The following ATG10 variants were observed in gnomAD, a reference collection of about 807,000 sequenced individuals.
The protein encoded by ATG10 is ubiquitin-like-conjugating enzyme ATG10.
A neutral mutation model predicts 32.1 loss-of-function variants in ATG10; 30 were observed. The observed-to-expected ratio is 0.94, with a 90% CI of 0.70 to 1.27. The LOEUF (loss-of-function observed/expected upper bound fraction) is 1.27, where lower values mean the gene tolerates loss of function less well. ATG10 is among the 50% of genes most tolerant of loss of function. ATG10 has a pLI of 0.00. For missense variants in ATG10, 233 were observed against 262.3 expected (o/e 0.89, Z 0.77); for synonymous variants, 87 against 91.5 (o/e 0.95, Z 0.28).
chr5:82,054,481 C>T (rs1763526150), intron 2 of ATG10, among the ~76,000 whole-genome samples: 1 of 152,184 alleles, frequency 6.6e-6, no homozygotes, highest in Non-Finnish European at 1.5e-5. Flanking sequence ...CACTGGCCCA[C>T]ACCAGTCCAC....
Position 82,098,308 on chromosome 5 carries a change from G to GTTT in ATG10, c.216+39725_216+39727dup, listed in dbSNP as rs35693758. ...ATTTTATTGTTAATATTGTTGTTGG[G>GTTT]TTTTTTTTTTTTTTTTTTTTTGAGA... On this transcript the variant is annotated intron_variant, in intron 3 of 7. Transcript: ENST00000282185. Among the ~76,000 whole-genome samples the GTTT allele has an allele frequency of 9.4e-4, 109 of 115,576 alleles. 1 individual carries two copies. The highest frequency in any genetic ancestry group is 1.4e-3 in the Non-Finnish European group (76 of 55,166). The allele number at this position is 115,576 out of a possible 152,430, so 75.8% of individuals were successfully genotyped here. A position where few individuals can be genotyped will look rare whatever the true frequency, so the allele number is the denominator to read the frequency against.
rs117332005 is a variant in ATG10, at chr5:82,118,302, G to A, written c.217-46097G>A. ...CACAAGAGCAGAGTGTCTTTCTTGT[G>A]TGTGTGTGTGTGTGTATATATATAT... On this transcript the variant is annotated intron_variant, in intron 3 of 7. Coordinates refer to ENST00000282185, the MANE Select transcript of ATG10 (RefSeq NM_031482.5). 0.018 allele frequency among the ~76,000 whole-genome samples: 2,639 copies of A among 144,602 alleles called. 289 individuals are homozygous for A. In the East Asian group the frequency reaches 0.33, roughly 18 times the overall value. The allele number at this position is 144,602 out of a possible 152,430, so 94.9% of individuals were successfully genotyped here. A position where few individuals can be genotyped will look rare whatever the true frequency, so the allele number is the denominator to read the frequency against.
chr5:82,100,008 T>TG (rs1765209875), intron 3 of ATG10, among the ~76,000 whole-genome samples: 3 of 127,278 alleles, frequency 2.4e-5, no homozygotes, highest in Non-Finnish European at 4.9e-5. Context: ...GTGTTTTTTT[T>TG]TTTTTTTTTT....
At chr5:82,033,939 GTAC>G (rs533792432) in intron 2 of ATG10, among the ~76,000 whole-genome samples, 23 of 146,666 alleles carry the variant, frequency 1.6e-4, no homozygotes, top group African/African-American at 5.7e-4. Context: ...ATATGTATGT[GTAC>G]TATGTATATG....
At chr5:82,148,792 A>G (rs1251879360) in intron 3 of ATG10, among the ~76,000 whole-genome samples, 1 of 152,098 alleles carries the variant, frequency 6.6e-6, no homozygotes, top group Non-Finnish European at 1.5e-5. Context: ...TTTTCTGTAA[A>G]ATGCAAGATA....
chr5:82,224,474 G>C (rs1263016530), intron 5 of ATG10, among the ~76,000 whole-genome samples: 1 of 152,204 alleles, frequency 6.6e-6, no homozygotes, highest in African/African-American at 2.4e-5. Context: ...CAAGGGAGTA[G>C]TTAGAAATAA....
At chr5:81,991,747 A>G (rs1291259696) in intron 2 of ATG10, among the ~76,000 whole-genome samples, 4 of 151,560 alleles carry the variant, frequency 2.6e-5, no homozygotes, top group Non-Finnish European at 4.4e-5. Context: ...GTGAGCCAAG[A>G]TCATACTATT....
rs1484305165 is a variant in ATG10, at chr5:82,180,800, AG to A, written c.453+2214del. On this transcript the variant is annotated intron_variant, in intron 5 of 7. Transcript: ENST00000282185. ...ACCATTTTCCTTTTCTGCCTCTAGC[AG>A]ATAATTAATCTCCTTAATGCAGGCC... Among the ~76,000 whole-genome samples, 3 of 152,266 alleles carry A rather than the reference AG, an allele frequency of 2.0e-5. No individual in the cohort carries two copies. In the East Asian group the frequency reaches 5.8e-4, roughly 29 times the overall value.
intron 7 of ATG10, 44 bp downstream of exon 7, chr5:82,253,473 C>T: frequency 1.5e-6 from 2 of 1,290,760 alleles, no homozygotes; most frequent in Non-Finnish European, 2.3e-6. Context: ...TTACAAAGAT[C>T]AATGTCTCCA....
chr5:82,189,396 C>A (rs1040499167), intron 5 of ATG10, among the ~76,000 whole-genome samples: 2 of 152,096 alleles, frequency 1.3e-5, no homozygotes, highest in East Asian at 1.9e-4. Flanking sequence ...AATTCTAGAT[C>A]GATCATTTCA....
chr5:82,251,867 T>C (rs957185104), intron 5 of ATG10, among the ~76,000 whole-genome samples: 6 of 152,098 alleles, frequency 3.9e-5, no homozygotes, highest in Non-Finnish European at 7.3e-5. Flanking sequence ...AATTACTACC[T>C]TATAAAAGAA....
chr5:82,198,293 C>T (rs577822768), intron 5 of ATG10, among the ~76,000 whole-genome samples: 63 of 152,260 alleles, frequency 4.1e-4, no homozygotes, highest in African/African-American at 1.2e-3. Context: ...AATGCTAAGT[C>T]GCCCAGGCTG....
intron 3 of ATG10, among the ~76,000 whole-genome samples, chr5:82,149,130 T>C (rs1016912285): frequency 2.0e-5 from 3 of 152,124 alleles, no homozygotes; most frequent in African/African-American, 7.2e-5. Flanking sequence ...CCAAGATCTT[T>C]AGGACTCAGT....
At chr5:82,001,453 C>G (rs1349555337) in intron 2 of ATG10, among the ~76,000 whole-genome samples, 1 of 152,106 alleles carries the variant, frequency 6.6e-6, no homozygotes, top group Non-Finnish European at 1.5e-5. Flanking sequence ...AAAGCAGACA[C>G]AAAGACCAAT....
chr5:82,165,078 A>G (rs1743522136), intron 4 of ATG10, among the ~76,000 whole-genome samples: 1 of 152,242 alleles, frequency 6.6e-6, no homozygotes, highest in Admixed American at 6.5e-5. Context: ...CCCTGCCAAG[A>G]AGGTGGAATA....
intron 4 of ATG10, among the ~76,000 whole-genome samples, chr5:82,170,661 G>A (rs1311721496): frequency 2.6e-5 from 4 of 152,004 alleles, no homozygotes; most frequent in African/African-American, 9.7e-5. Flanking sequence ...AAAATAGAGT[G>A]TTGGCAGGGC....
chr5:82,024,963 G>C (rs1003747669), intron 2 of ATG10, among the ~76,000 whole-genome samples: 3 of 152,192 alleles, frequency 2.0e-5, no homozygotes, highest in African/African-American at 7.2e-5. Context: ...TTAGGTGGAG[G>C]AAAGGAAAGA....
chr5:82,025,213 T>C (rs1762560166), intron 2 of ATG10, among the ~76,000 whole-genome samples: 1 of 152,228 alleles, frequency 6.6e-6, no homozygotes, highest in Admixed American at 6.5e-5. Context: ...CAAGCAATCA[T>C]AATATAAAGC....
At chr5:82,067,909 A>G (rs958728978) in intron 3 of ATG10, among the ~76,000 whole-genome samples, 2 of 152,178 alleles carry the variant, frequency 1.3e-5, no homozygotes, top group Non-Finnish European at 2.9e-5. Context: ...AATCAAAAGT[A>G]AGATCATTTC....
Sources: allele counts gnomAD v4.1 joint callset (sites outside exome capture counted in the v4.1 genomes callset), GRCh38; gene constraint gnomAD v4.1.1; transcripts MANE v1.5; gene names NCBI Gene and HGNC (gene_info 2026-07-23, HGNC 2026-07-21).